Variants in LURAP1 observed in about 807,000 individuals in gnomAD.
LURAP1 encodes NF-kappa-B activator C1orf190.
In LURAP1, 14 loss-of-function variants were observed where a neutral mutation model predicts 19.0. That is an observed-to-expected ratio of 0.74 (90% CI 0.49 to 1.15). LURAP1 has a LOEUF of 1.15. Ranked by LOEUF, LURAP1 falls within the 50% of genes most tolerant of loss-of-function variation. LURAP1 has a pLI of 0.00. For synonymous variants in LURAP1, 129 were observed against 131.8 expected (o/e 0.98, Z 0.14); for missense variants, 273 against 309.1 (o/e 0.88, Z 0.87).
chr1:46,209,199 T>C (rs1193776193), intron 1 of LURAP1, among the ~76,000 whole-genome samples: 1 of 152,156 alleles, frequency 6.6e-6, no homozygotes, highest in Non-Finnish European at 1.5e-5. Flanking sequence ...TAATTTTGTA[T>C]TTTTCGTAGA....
In LURAP1 at chr1:46,203,455, C is replaced by T; in HGVS notation, c.29C>T (p.Pro10Leu). The T allele has an allele frequency of 6.7e-7, 1 of 1,500,304 alleles. No homozygotes were observed. The highest frequency in any genetic ancestry group is 8.9e-7 in the Non-Finnish European group (1 of 1,125,490). The allele number at this position is 1,500,304 out of a possible 1,614,324, so 92.9% of individuals were successfully genotyped here. A position where few individuals can be genotyped will look rare whatever the true frequency, so the allele number is the denominator to read the frequency against. ...GAGGGGACCGTGGAGTCCCAGACGC[C>T]TGACCTGCGGGATGTGGAGGGTAAG... MEGTVESQT[P>L]DLRDVEGKVG... Residue 10 changes from proline (P) to leucine (L), a missense_variant, in exon 1 of 2, where the codon CCT becomes CTT. Coordinates refer to ENST00000371980, the MANE Select transcript of LURAP1 (RefSeq NM_001013615.3).
intron 1 of LURAP1, among the ~76,000 whole-genome samples, chr1:46,210,948 T>G (rs1303822725): frequency 2.6e-5 from 4 of 150,964 alleles, no homozygotes; most frequent in Non-Finnish European, 5.9e-5. Flanking sequence ...CTAATTTTTT[T>G]TTTTTTTTTT....
chr1:46,203,514 G>A lies in LURAP1; in HGVS notation c.88G>A (p.Gly30Arg). ...GRKTPEGLLR[G>R]LRGECELGTS... ...GAAGACCCCTGAAGGGCTGCTCCGC[G>A]GGCTGCGAGGCGAGTGTGAGCTGGG... Residue 30 changes from glycine (G) to arginine (R), a missense_variant, in exon 1 of 2, where the codon GGG (glycine) becomes AGG (arginine). Physicochemically the swap from Gly to Arg is moderately radical, Grantham distance 125. Coordinates refer to ENST00000371980, the MANE Select transcript of LURAP1 (RefSeq NM_001013615.3). 6.4e-7 allele frequency: 1 copy of A among 1,560,340 alleles called. No homozygotes were observed.
At position 46,219,776 on chromosome 1, in the gene LURAP1, G is replaced by A; in HGVS notation, c.276G>A (p.Trp92Ter). 1 of 1,614,142 alleles carries A rather than the reference G, an allele frequency of 6.2e-7. No individual in the cohort carries two copies. The highest frequency in any genetic ancestry group is 8.5e-7 in the Non-Finnish European group (1 of 1,180,012). The change falls in exon 2 of 2, where the codon TGG (tryptophan) becomes TGA (stop). Residue 92 changes from tryptophan to a stop codon, truncating the protein, a stop_gained. Transcript: ENST00000371980. LOFTEE classifies it high-confidence loss of function. The part of the protein sequence containing the change: ...TLNEGIEAVR[W>*]LLEERGTLTS... ...ATGAGGGCATCGAGGCAGTGCGCTG[G>A]CTGTTGGAGGAGCGGGGGACGTTGA...
chr1:46,219,614 C>T (rs746628449), intron 1 of LURAP1, 85 bp from the exon 2 acceptor site: 3 of 1,418,238 alleles, frequency 2.1e-6, no homozygotes, highest in Admixed American at 4.6e-5. Flanking sequence ...ACATGGTTGG[C>T]TGAACCACAA....
intron 1 of LURAP1, among the ~76,000 whole-genome samples, chr1:46,218,413 A>G (rs975649517): frequency 6.6e-6 from 1 of 152,234 alleles, no homozygotes; most frequent in African/African-American, 2.4e-5. Flanking sequence ...GTAAAACTAA[A>G]TAAAACTAGT....
chr1:46,218,708 G>A (rs1282566939), intron 1 of LURAP1, among the ~76,000 whole-genome samples: 1 of 152,166 alleles, frequency 6.6e-6, no homozygotes, highest in Non-Finnish European at 1.5e-5. Flanking sequence ...TGGAACGGAC[G>A]CTTGAGATTA....
At chr1:46,210,128 A>G (rs1302667514) in intron 1 of LURAP1, among the ~76,000 whole-genome samples, 1 of 152,174 alleles carries the variant, frequency 6.6e-6, no homozygotes. Context: ...TATCTTTGTA[A>G]TTATTAGCAA....
In LURAP1 at chr1:46,220,214, C is replaced by T. The variant is rs761145314; in HGVS notation, c.714C>T (p.Phe238=). The T allele has an allele frequency of 1.2e-5, 20 of 1,604,082 alleles. No homozygotes were observed. Among genetic ancestry groups the T allele is most frequent in the Middle Eastern group, 3.3e-4 (2 of 6,006 alleles). Residue 238 remains phenylalanine (F), a synonymous_variant, in exon 2 of 2, where the codon TTC becomes TTT. Transcript: ENST00000371980. ...FWEQCQDDVT[F]L ...AGCAGTGCCAGGATGATGTGACCTT[C>T]TTGTAACAACTATTCCACCCTTTTG...
At chr1:46,203,716 G>A in intron 1 of LURAP1, 92 bp downstream of exon 1, 6 of 1,305,784 alleles carry the variant, frequency 4.6e-6, no homozygotes, top group Admixed American at 2.6e-5. Flanking sequence ...CTGGAGAGGA[G>A]GTAGTTAAAA....
intron 1 of LURAP1, among the ~76,000 whole-genome samples, chr1:46,214,878 A>AAG (rs775967266): frequency 1.4e-5 from 2 of 141,620 alleles, no homozygotes; most frequent in Admixed American, 6.9e-5. Flanking sequence ...AAAAAAAAAA[A>AAG]AAAAAAAAAG....
At chr1:46,208,300 T>G in intron 1 of LURAP1, among the ~76,000 whole-genome samples, 1 of 152,202 alleles carries the variant, frequency 6.6e-6, no homozygotes, top group East Asian at 1.9e-4. Flanking sequence ...CCAACCACAC[T>G]GAATTTTAAG....
rs10047045 is a variant in LURAP1 at position 46,215,620 on chromosome 1, T to G, written c.199-4079T>G. ...ACTGAAAATTAAAAGACATGGAGGCTGGGTGCCATGGCACATGCCTCTAAT... is the reference window on the plus strand; with the variant it reads ...ACTGAAAATTAAAAGACATGGAGGCGGGGTGCCATGGCACATGCCTCTAAT... On this transcript the variant is annotated intron_variant, in intron 1 of 1. Transcript: ENST00000371980. 8.2e-3 allele frequency among the ~76,000 whole-genome samples: 1,255 copies of G among 152,342 alleles called. 19 individuals carry two copies. The highest frequency in any genetic ancestry group is 0.037 in the Middle Eastern group (11 of 294).
Position 46,220,101 on chromosome 1 carries a change from C to G in LURAP1, c.601C>G (p.Pro201Ala). The G allele has an allele frequency of 6.2e-7, 1 of 1,614,200 alleles. No homozygotes were observed. Among genetic ancestry groups the G allele is most frequent in the Non-Finnish European group, 8.5e-7 (1 of 1,180,036 alleles). The change falls in exon 2 of 2, where the codon CCC (proline) becomes GCC (alanine). Residue 201 changes from proline to alanine, a missense_variant. Pro to Ala is a conservative substitution (Grantham distance 27, BLOSUM62 -1). Transcript: ENST00000371980. ...AGGGAGCTTGAGAGCTGTGTGGAAGCCCCCAGGGGAGAGGCTTCAAGGTGG... is the reference window on the plus strand; with the variant it reads ...AGGGAGCTTGAGAGCTGTGTGGAAGGCCCCAGGGGAGAGGCTTCAAGGTGG... ...RLGSLRAVWK[P>A]PGERLQGGPP...
intron 1 of LURAP1, among the ~76,000 whole-genome samples, chr1:46,215,198 C>T (rs1659027148): frequency 6.8e-6 from 1 of 147,932 alleles, no homozygotes; most frequent in African/African-American, 2.5e-5. Flanking sequence ...TGCACTCTAG[C>T]CTGGGCGACA....
At chr1:46,211,633 AC>A (rs1658899403) in intron 1 of LURAP1, among the ~76,000 whole-genome samples, 1 of 152,200 alleles carries the variant, frequency 6.6e-6, no homozygotes, top group African/African-American at 2.4e-5. Flanking sequence ...TTTAGATAGT[AC>A]CTCATATTAT....
intron 1 of LURAP1, among the ~76,000 whole-genome samples, chr1:46,204,667 C>A (rs552074657): frequency 2.7e-4 from 41 of 152,280 alleles, no homozygotes; most frequent in African/African-American, 9.9e-4. Flanking sequence ...GTGGAGCAGT[C>A]AGGAAAGGCC....
intron 1 of LURAP1, among the ~76,000 whole-genome samples, chr1:46,210,082 C>T (rs937300676): frequency 6.6e-6 from 1 of 152,152 alleles, no homozygotes; most frequent in African/African-American, 2.4e-5. Flanking sequence ...CTTATTGAGA[C>T]TGCAAGCTTC....
In LURAP1 at chr1:46,203,462, G is replaced by A; in HGVS notation, c.36G>A (p.Leu12=). ...CCGTGGAGTCCCAGACGCCTGACCT[G>A]CGGGATGTGGAGGGTAAGGTGGGCA... is the stretch of plus-strand genomic sequence containing the variant. ...EGTVESQTPD[L]RDVEGKVGRK... Residue 12 remains leucine (L), a synonymous_variant, in exon 1 of 2, where the codon CTG becomes CTA. Coordinates refer to ENST00000371980, the MANE Select transcript of LURAP1 (RefSeq NM_001013615.3). 6.6e-7 allele frequency: 1 copy of A among 1,505,764 alleles called. No homozygotes were observed. Among genetic ancestry groups the A allele is most frequent in the East Asian group, 2.6e-5 (1 of 39,192 alleles). 93.3% of individuals were successfully genotyped at this position (1,505,764 alleles called of 1,614,324 possible). A position where few individuals can be genotyped will look rare whatever the true frequency, so the allele number is the denominator to read the frequency against.
Sources: allele counts gnomAD v4.1 joint callset (sites outside exome capture counted in the v4.1 genomes callset), GRCh38; gene constraint gnomAD v4.1.1; transcripts MANE v1.5; gene names NCBI Gene and HGNC (gene_info 2026-07-23, HGNC 2026-07-21).